Variants in PLCZ1 observed in about 807,000 individuals in gnomAD.
The protein encoded by PLCZ1 is 1-phosphatidylinositol 4,5-bisphosphate phosphodiesterase zeta-1.
In PLCZ1, 64 loss-of-function variants were observed where a neutral mutation model predicts 76.8. The observed-to-expected ratio is 0.83, with a 90% CI of 0.68 to 1.03. The LOEUF (loss-of-function observed/expected upper bound fraction) is 1.03, where lower values mean the gene tolerates loss of function less well. PLCZ1 is among the 50% of genes least tolerant of loss of function. The pLI, the probability that PLCZ1 is intolerant of heterozygous loss-of-function variation, is 0.00. For missense variants in PLCZ1, 751 were observed against 713.7 expected (o/e 1.05, Z -0.60); for synonymous variants, 248 against 230.8 (o/e 1.07, Z -0.68).
chr12:18,675,787 T>A, the PLCZ1 span, among the ~76,000 whole-genome samples: 1 of 151,852 alleles, frequency 6.6e-6, no homozygotes, highest in Non-Finnish European at 1.5e-5. Flanking sequence ...AAATACCACA[T>A]GTTCTCACTT....
downstream of PLCZ1, among the ~76,000 whole-genome samples, chr12:18,678,212 A>G (rs1952124632): frequency 6.6e-6 from 1 of 152,084 alleles, no homozygotes; most frequent in South Asian, 2.1e-4. Flanking sequence ...TCTGGCTAAT[A>G]CTGCTGTTAG....
At chr12:18,711,658 T>C (rs1369187606) in intron 6 of PLCZ1, among the ~76,000 whole-genome samples, 2 of 151,712 alleles carry the variant, frequency 1.3e-5, no homozygotes, top group Non-Finnish European at 2.9e-5. Flanking sequence ...CTAGAGCACA[T>C]GAAAGTTGTC....
the PLCZ1 span, among the ~76,000 whole-genome samples, chr12:18,669,147 C>A: frequency 6.6e-6 from 1 of 152,080 alleles, no homozygotes; most frequent in Non-Finnish European, 1.5e-5. Context: ...TGATTATTTT[C>A]TTGATTCCTC....
At chr12:18,701,896 C>T (rs1955987525) in intron 7 of PLCZ1, 120 bp from the exon 8 acceptor site, 2 of 1,413,002 alleles carry the variant, frequency 1.4e-6, no homozygotes, top group Non-Finnish European at 1.9e-6. Flanking sequence ...TATGTAAGAA[C>T]TCCATTTTTT....
At chr12:18,658,420 G>T in the PLCZ1 span, among the ~76,000 whole-genome samples, 2 of 151,992 alleles carry the variant, frequency 1.3e-5, no homozygotes, top group Non-Finnish European at 1.5e-5. Flanking sequence ...AAAAGATAAA[G>T]AATCGTAAAA....
intron 3 of PLCZ1, among the ~76,000 whole-genome samples, chr12:18,726,148 G>A (rs913939831): frequency 2.0e-5 from 3 of 152,014 alleles, no homozygotes; most frequent in Non-Finnish European, 4.4e-5. Context: ...ATTACATAAA[G>A]GAATTAAGTA....
At chr12:18,664,103 A>G in the PLCZ1 span, among the ~76,000 whole-genome samples, 1 of 152,176 alleles carries the variant, frequency 6.6e-6, no homozygotes, top group African/African-American at 2.4e-5. Context: ...ACAAACAAAC[A>G]AAGACACACC....
At chr12:18,680,261 AGC>A (rs1952291819), downstream of PLCZ1, among the ~76,000 whole-genome samples, 1 of 152,008 alleles carries the variant, frequency 6.6e-6, no homozygotes, top group Non-Finnish European at 1.5e-5. Flanking sequence ...CAACAGCACA[AGC>A]TTCTTCCTAG....
At chr12:18,661,769 C>T in the PLCZ1 span, among the ~76,000 whole-genome samples, 4 of 152,136 alleles carry the variant, frequency 2.6e-5, no homozygotes, top group South Asian at 6.2e-4. Flanking sequence ...TACCATTGAC[C>T]CAGCAATCCC....
the PLCZ1 span, among the ~76,000 whole-genome samples, chr12:18,647,269 G>A: frequency 3.3e-5 from 5 of 151,804 alleles, no homozygotes; most frequent in Admixed American, 3.3e-4. Context: ...ACAGAGATGG[G>A]AACCATAAAG....
chr12:18,715,476 A>T (rs902096946), intron 5 of PLCZ1, among the ~76,000 whole-genome samples: 2 of 151,186 alleles, frequency 1.3e-5, no homozygotes, highest in Non-Finnish European at 2.9e-5. Flanking sequence ...ATCTCGGCTC[A>T]CTGCAAGCTC....
chr12:18,667,396 T>C, the PLCZ1 span, among the ~76,000 whole-genome samples: 7 of 152,184 alleles, frequency 4.6e-5, no homozygotes, highest in South Asian at 8.3e-4. Context: ...AAAATCAAGA[T>C]TACCTGTATC....
At chr12:18,683,530 T>C in intron 14 of PLCZ1, 1 of 1,511,244 alleles carries the variant, frequency 6.6e-7, no homozygotes. Flanking sequence ...CAAAACTGAA[T>C]ACACAGCTCA....
the PLCZ1 span, among the ~76,000 whole-genome samples, chr12:18,650,246 C>T: frequency 0.17 from 25,218 of 150,430 alleles, 2,665 homozygotes; most frequent in African/African-American, 0.29. Context: ...TGATGTCAAA[C>T]CCATCATTCA....
Position 18,699,797 on chromosome 12 carries a change from G to C in PLCZ1, c.1171C>G (p.Arg391Gly). Reference protein sequence around the residue: ...ETQARKLSKLRVHEFIFHTRK... With the variant: ...ETQARKLSKLGVHEFIFHTRK... ...TATTTGAGTCACAAAAATTTACCTC[G>C]CAATTTTGAAAGTTTTCGGGCTTGT... Residue 391 changes from arginine (R) to glycine (G), a missense_variant, in exon 10 of 15, where the codon CGA becomes GGA. Physicochemically the swap from Arg to Gly is moderately radical, Grantham distance 125. Transcript: ENST00000266505. 1 of 1,612,728 alleles carries C rather than the reference G, an allele frequency of 6.2e-7. No homozygotes were observed. The highest frequency in any genetic ancestry group is 1.1e-5 in the South Asian group (1 of 91,046).
intron 13 of PLCZ1, among the ~76,000 whole-genome samples, chr12:18,686,460 T>C (rs1953169250): frequency 1.3e-5 from 2 of 152,110 alleles, no homozygotes; most frequent in African/African-American, 2.4e-5. Context: ...CTTGAGTTTC[T>C]TGGCTTTTCT....
the PLCZ1 span, chr12:18,647,943 T>G: frequency 3.6e-5 from 58 of 1,601,536 alleles, no homozygotes; most frequent in South Asian, 1.1e-5. Context: ...AGTAAAACTG[T>G]ATTTGTGGGA....
chr12:18,717,187 T>C (rs911022008), intron 5 of PLCZ1, among the ~76,000 whole-genome samples: 2 of 152,084 alleles, frequency 1.3e-5, no homozygotes, highest in Non-Finnish European at 2.9e-5. Context: ...GTAAAAGTAA[T>C]TATATATATT....
intron 5 of PLCZ1, among the ~76,000 whole-genome samples, chr12:18,717,210 T>C (rs1958088066): frequency 1.3e-5 from 2 of 152,114 alleles, no homozygotes; most frequent in Admixed American, 1.3e-4. Context: ...TAAATATAAC[T>C]GCTTTAATAT....
Sources: allele counts gnomAD v4.1 joint callset (sites outside exome capture counted in the v4.1 genomes callset), GRCh38; gene constraint gnomAD v4.1.1; transcripts MANE v1.5; gene names NCBI Gene and HGNC (gene_info 2026-07-23, HGNC 2026-07-21).